CSGALNACT1: variants seen among roughly 807,000 people sequenced by gnomAD.
CSGALNACT1 encodes beta4GalNAcT-1.
A neutral mutation model predicts 51.0 loss-of-function variants in CSGALNACT1; 52 were observed. The observed-to-expected ratio is 1.02, with a 90% CI of 0.82 to 1.29. The LOEUF (loss-of-function observed/expected upper bound fraction) is 1.29. CSGALNACT1 is among the 50% of genes most tolerant of loss of function. The probability of loss-of-function intolerance (pLI) is 0.00; values close to 1 mark genes in which losing one functional copy is unlikely to be tolerated. For synonymous variants in CSGALNACT1, 341 were observed against 254.4 expected (o/e 1.34, Z -3.24); for missense variants, 935 against 679.2 (o/e 1.38, Z -4.19).
At chr8:19,606,047 A>AT (rs757614469), upstream of CSGALNACT1, among the ~76,000 whole-genome samples, 7 of 152,204 alleles carry the variant, frequency 4.6e-5, no homozygotes, top group East Asian at 1.9e-4. Flanking sequence ...ACCTGCATCT[A>AT]TTTAAAACTT....
At chr8:19,404,298 TG>T in exon 10 of CSGALNACT1, 1 of 452,218 alleles carries the variant, frequency 2.2e-6, no homozygotes, top group Non-Finnish European at 4.4e-6. Flanking sequence ...TGAATGTTCT[TG>T]AAGCTTTTAA....
chr8:19,405,233 G>T (rs1365731682), exon 10 of CSGALNACT1: 4 of 452,848 alleles, frequency 8.8e-6, no homozygotes, highest in Admixed American at 2.4e-5. Flanking sequence ...TAATCTTGGG[G>T]AAAATATGAC....
intron 1 of CSGALNACT1, among the ~76,000 whole-genome samples, chr8:19,695,082 C>T (rs1319503231): frequency 6.6e-6 from 1 of 152,196 alleles, no homozygotes; most frequent in Non-Finnish European, 1.5e-5. Context: ...AGTATTTGAA[C>T]AGCACCCAAC....
At chr8:19,617,873 T>G (rs758048350) in intron 1 of CSGALNACT1, among the ~76,000 whole-genome samples, 1 of 152,176 alleles carries the variant, frequency 6.6e-6, no homozygotes, top group Non-Finnish European at 1.5e-5. Flanking sequence ...AGTCATTATA[T>G]TCCTATATGC....
chr8:19,485,686 A>C (rs1207315462), intron 4 of CSGALNACT1, among the ~76,000 whole-genome samples: 1 of 150,078 alleles, frequency 6.7e-6, no homozygotes, highest in Non-Finnish European at 1.5e-5. Context: ...TTTTACTTCA[A>C]ATATTCACCT....
intron 1 of CSGALNACT1, among the ~76,000 whole-genome samples, chr8:19,608,037 G>A (rs542594362): frequency 8.4e-4 from 128 of 152,320 alleles, no homozygotes; most frequent in African/African-American, 2.9e-3. Context: ...ATTTCAGCAG[G>A]CTAACTGATG....
At chr8:19,752,088 TA>T (rs2065067532) in intron 1 of CSGALNACT1, among the ~76,000 whole-genome samples, 1 of 145,998 alleles carries the variant, frequency 6.8e-6, no homozygotes, top group South Asian at 2.1e-4. Flanking sequence ...ATGATGATGA[TA>T]AATGATATAC....
intron 1 of CSGALNACT1, among the ~76,000 whole-genome samples, chr8:19,610,339 G>C (rs1198308886): frequency 2.7e-5 from 4 of 150,514 alleles, no homozygotes; most frequent in Non-Finnish European, 4.4e-5. Context: ...GGGAAGTGCT[G>C]GGTAGAGGTG....
chr8:19,534,208 T>G (rs2083317509), intron 3 of CSGALNACT1, among the ~76,000 whole-genome samples: 1 of 152,170 alleles, frequency 6.6e-6, no homozygotes, highest in African/African-American at 2.4e-5. Context: ...TTCCAGCACT[T>G]TGGGAGGCCA....
intron 3 of CSGALNACT1, among the ~76,000 whole-genome samples, chr8:19,525,489 T>C (rs2081484662): frequency 6.6e-6 from 1 of 150,516 alleles, no homozygotes; most frequent in Non-Finnish European, 1.5e-5. Flanking sequence ...TGGTGGTGCA[T>C]GTCTATAGTC....
At chr8:19,467,546 C>T (rs951022646) in intron 4 of CSGALNACT1, among the ~76,000 whole-genome samples, 1 of 152,126 alleles carries the variant, frequency 6.6e-6, no homozygotes, top group Non-Finnish European at 1.5e-5. Flanking sequence ...GGTTAGGATT[C>T]CAGCACTGAA....
In CSGALNACT1 at chr8:19,667,051, G is replaced by T. The variant is rs576433446; in HGVS notation, c.-544+15422C>A. Among the ~76,000 whole-genome samples the T allele has an allele frequency of 2.0e-5, 2 of 101,084 alleles. 1 individual carries two copies. Among genetic ancestry groups the T allele is most frequent in the Non-Finnish European group, 4.1e-5 (2 of 48,586 alleles). The allele number at this position is 101,084 out of a possible 152,430, so 66.3% of individuals were successfully genotyped here. A position where few individuals can be genotyped will look rare whatever the true frequency, so the allele number is the denominator to read the frequency against. On this transcript the variant is annotated intron_variant, in intron 1 of 9. Coordinates refer to the CSGALNACT1 transcript ENST00000332246. ...AGGAAGGAAGGAAGGAAGAAAGAAA[G>T]AAAGAAAGAAAGAAAGAAAGAAAGA...
chr8:19,470,409 G>A (rs975218759), intron 4 of CSGALNACT1, among the ~76,000 whole-genome samples: 2 of 152,162 alleles, frequency 1.3e-5, no homozygotes, highest in East Asian at 1.9e-4. Flanking sequence ...TGCAGGCAGC[G>A]AGGCCAGAGA....
At chr8:19,537,176 T>C (rs556949576) in intron 3 of CSGALNACT1, among the ~76,000 whole-genome samples, 5 of 152,242 alleles carry the variant, frequency 3.3e-5, no homozygotes, top group African/African-American at 1.2e-4. Flanking sequence ...AAACAAGAAA[T>C]GGTTAATTTG....
chr8:19,729,850 T>A (rs1478793852), intron 1 of CSGALNACT1, among the ~76,000 whole-genome samples: 1 of 151,884 alleles, frequency 6.6e-6, no homozygotes, highest in South Asian at 2.1e-4. Context: ...CTGAACGGGG[T>A]CCCATGAAGA....
At chr8:19,705,902 G>A (rs1224774498) in intron 1 of CSGALNACT1, among the ~76,000 whole-genome samples, 1 of 152,080 alleles carries the variant, frequency 6.6e-6, no homozygotes, top group Non-Finnish European at 1.5e-5. Context: ...GACAGGGCAC[G>A]ACTAATTTTC....
rs187162147 is a variant in CSGALNACT1 at position 19,622,007 on chromosome 8, G to C, written c.-543-20142C>G. 8.0e-4 allele frequency among the ~76,000 whole-genome samples: 122 copies of C among 152,250 alleles called. 1 individual carries two copies. Among genetic ancestry groups the C allele is most frequent in the Non-Finnish European group, 7.9e-4 (54 of 68,026 alleles). On this transcript the variant is annotated intron_variant, in intron 1 of 9. Transcript: ENST00000332246. ...ACAACAAACAATAACTCAAGTCCTG[G>C]TATGTAGTCGATACTTCCATAAAGT...
intron 3 of CSGALNACT1, among the ~76,000 whole-genome samples, chr8:19,577,883 A>G (rs2154118335): frequency 6.6e-6 from 1 of 152,304 alleles, no homozygotes; most frequent in South Asian, 2.1e-4. Flanking sequence ...GGCTGAGCCA[A>G]ACTATTGGCA....
intron 1 of CSGALNACT1, among the ~76,000 whole-genome samples, chr8:19,749,779 C>T (rs1441597602): frequency 6.6e-6 from 1 of 152,178 alleles, no homozygotes; most frequent in Non-Finnish European, 1.5e-5. Flanking sequence ...TCTCCTGTGA[C>T]AATAGCTACC....
Sources: allele counts gnomAD v4.1 joint callset (sites outside exome capture counted in the v4.1 genomes callset), GRCh38; gene constraint gnomAD v4.1.1; transcripts MANE v1.5; gene names NCBI Gene and HGNC (gene_info 2026-07-23, HGNC 2026-07-21).